The following LRRC55 variants were observed in gnomAD, a reference collection of about 807,000 sequenced individuals.
LRRC55 encodes leucine-rich repeat-containing protein 55.
A neutral mutation model predicts 20.5 loss-of-function variants in LRRC55; 11 were observed. The observed-to-expected ratio is 0.54, with a 90% confidence interval of 0.34 to 0.89. LRRC55 has a LOEUF of 0.89. LRRC55 is among the 40% of genes least tolerant of loss of function. The pLI is 0.02. For missense variants in LRRC55, 358 were observed against 390.9 expected (o/e 0.92, Z 0.71); for synonymous variants, 188 against 166.6 (o/e 1.13, Z -0.99).
rs1854375078 is a variant in LRRC55, at chr11:57,182,547, CT to C, written c.527del (p.Phe176SerfsTer14). Reference sequence around the variant, plus strand: ...TGGACCTCAGTTATGGGGGCCTGGCCTTCCTCAGCCTGGAGGCTCTTGAGGG... The same window carrying C: ...TGGACCTCAGTTATGGGGGCCTGGCCTCCTCAGCCTGGAGGCTCTTGAGGG... ...DLDLSYGGLAFLSLEALEGLP... is the reference protein window; with the variant it reads ...DLDLSYGGLAXLSLEALEGLP... On this transcript the variant is annotated frameshift_variant, in exon 1 of 2. Transcript: ENST00000497933. LOFTEE classifies it high-confidence loss of function. 6.4e-7 allele frequency: 1 copy of C among 1,569,236 alleles called. No homozygotes were observed. Among genetic ancestry groups the C allele is most frequent in the Non-Finnish European group, 8.7e-7 (1 of 1,155,530 alleles).
chr11:57,186,461 G>A (rs1040336385), intron 1 of LRRC55, among the ~76,000 whole-genome samples: 1 of 152,208 alleles, frequency 6.6e-6, no homozygotes, highest in African/African-American at 2.4e-5. Context: ...CAGCAGAGCA[G>A]GGAAGATAGG....
At position 57,190,588 on chromosome 11, in the gene LRRC55, G is replaced by C. The variant is rs758705714; in HGVS notation, c.*3108G>C. On this transcript the variant is annotated 3_prime_UTR_variant, in exon 2 of 2. Transcript: ENST00000497933. ...TATGTGATGGGGTATCTCTGCATCT[G>C]TATGTCTGTCTGCGAGGTTCCTTGT... 1.6e-4 allele frequency: 24 copies of C among 152,170 alleles called. No homozygotes were observed. The highest frequency in any genetic ancestry group is 2.9e-4 in the Non-Finnish European group (20 of 68,048). 9.4% of individuals were successfully genotyped at this position (152,170 alleles called of 1,614,324 possible). A position where few individuals can be genotyped will look rare whatever the true frequency, so the allele number is the denominator to read the frequency against.
At chr11:57,186,164 A>C (rs372878560) in intron 1 of LRRC55, among the ~76,000 whole-genome samples, 157 of 152,290 alleles carry the variant, frequency 1.0e-3, no homozygotes, top group African/African-American at 3.4e-3. Flanking sequence ...TGCAACTAGC[A>C]AGGGGTGAAG....
Position 57,182,293 on chromosome 11 carries a change from C to T in LRRC55, c.271C>T (p.Leu91Phe). 6.2e-7 allele frequency: 1 copy of T among 1,614,210 alleles called. No homozygotes were observed. The highest frequency in any genetic ancestry group is 1.1e-5 in the South Asian group (1 of 91,082). Reference sequence around the variant, plus strand: ...TGGCTACCTCACATGCTACATGGAGCTCCAGGTGCTGGATTTGCACAACAA... The same window carrying T: ...TGGCTACCTCACATGCTACATGGAGTTCCAGGTGCTGGATTTGCACAACAA... ...PPGYLTCYMELQVLDLHNNSL... is the reference protein window; with the variant it reads ...PPGYLTCYMEFQVLDLHNNSL... Residue 91 changes from leucine (L) to phenylalanine (F), a missense_variant, in exon 1 of 2, where the codon CTC becomes TTC. Leu to Phe is a conservative substitution (Grantham distance 22, BLOSUM62 0). Transcript: ENST00000497933.
In LRRC55 at chr11:57,187,804, A is replaced by G. The variant is rs1383336984; in HGVS notation, c.*324A>G. 2 of 427,882 alleles carry G rather than the reference A, an allele frequency of 4.7e-6. No homozygotes were observed. The highest frequency in any genetic ancestry group is 8.4e-6 in the Non-Finnish European group (2 of 237,202). 26.5% of individuals were successfully genotyped at this position (427,882 alleles called of 1,614,324 possible). ...ATGGAGGCCCAGAGGAGGAGCCATC[A>G]TCTGTATCTAGCAATGTCCATGAGA... On this transcript the variant is annotated 3_prime_UTR_variant, in exon 2 of 2. Coordinates refer to ENST00000497933, the MANE Select transcript of LRRC55 (RefSeq NM_001005210.4).
rs1404529607 is a variant in LRRC55, at chr11:57,187,687, C to G, written c.*207C>G. On this transcript the variant is annotated 3_prime_UTR_variant, in exon 2 of 2. Coordinates refer to ENST00000497933, the MANE Select transcript of LRRC55 (RefSeq NM_001005210.4). The stretch of plus-strand genomic sequence containing the variant: ...GGAACATCAGATGAACTGACTCAGT[C>G]CCTGCCCTCAAGGCACTTCCCTCTG... 1.6e-6 allele frequency: 1 copy of G among 624,064 alleles called. No individual in the cohort carries two copies. The highest frequency in any genetic ancestry group is 2.8e-5 in the East Asian group (1 of 36,286). 38.7% of individuals were successfully genotyped at this position (624,064 alleles called of 1,614,324 possible).
intron 1 of LRRC55, among the ~76,000 whole-genome samples, chr11:57,183,653 C>G (rs1854391619): frequency 6.6e-6 from 1 of 152,202 alleles, no homozygotes; most frequent in Non-Finnish European, 1.5e-5. Context: ...GCTCCAAGAC[C>G]TGGATCTCAG....
In LRRC55 at chr11:57,188,250, C is replaced by T. The variant is rs1854461306; in HGVS notation, c.*770C>T. The T allele has an allele frequency of 6.6e-6, 1 of 152,554 alleles. No individual in the cohort carries two copies. Among genetic ancestry groups the T allele is most frequent in the Non-Finnish European group, 1.5e-5 (1 of 68,060 alleles). 9.5% of individuals were successfully genotyped at this position (152,554 alleles called of 1,614,324 possible). On this transcript the variant is annotated 3_prime_UTR_variant, in exon 2 of 2. Transcript: ENST00000497933. ...GCTCCTGCCTCTCACTCAAGTTTTG[C>T]TTCAGAAGAGAGAGGCAGGAGGCCC...
Position 57,182,056 on chromosome 11 carries a change from G to A in LRRC55, c.34G>A (p.Gly12Arg), listed in dbSNP as rs771974471. The change falls in exon 1 of 2, where the codon GGG (glycine) becomes AGG (arginine). Residue 12 changes from glycine to arginine, a missense_variant. Gly to Arg is a moderately radical substitution (Grantham distance 125, BLOSUM62 -2). This residue lies in a region of LRRC55 where 175 missense variants were observed against 164.5 expected (regional missense o/e 1.06). Coordinates refer to ENST00000497933, the MANE Select transcript of LRRC55 (RefSeq NM_001005210.4). ...CACTTGGGCCCAGCTTCCCTGGCCC[G>A]GGCCACCCCACCCAGCAATGCTGCT... is the stretch of plus-strand genomic sequence containing the variant. ...GDTWAQLPWP[G>R]PPHPAMLLIS... 34 of 1,614,034 alleles carry A rather than the reference G, an allele frequency of 2.1e-5. No individual in the cohort carries two copies. Among genetic ancestry groups the A allele is most frequent in the Non-Finnish European group, 2.5e-5 (30 of 1,180,030 alleles).
Position 57,187,344 on chromosome 11 carries a change from C to A in LRRC55, c.761C>A (p.Thr254Asn), listed in dbSNP as rs1240887253. 1.2e-6 allele frequency: 2 copies of A among 1,614,206 alleles called. No individual in the cohort carries two copies. Among genetic ancestry groups the A allele is most frequent in the Non-Finnish European group, 1.7e-6 (2 of 1,180,032 alleles). Residue 254 changes from threonine (T) to asparagine (N), a missense_variant, in exon 2 of 2, where the codon ACC becomes AAC. Thr to Asn is a moderately conservative substitution (Grantham distance 65, BLOSUM62 0). Transcript: ENST00000497933. ...ESFKACHLTLTLDDYLFIAFV... is the reference protein window; with the variant it reads ...ESFKACHLTLNLDDYLFIAFV... ...TTCAAGGCCTGCCACCTGACCCTGA[C>A]CCTGGATGATTACCTATTCATTGCG...
At chr11:57,184,868 C>T (rs2135333902) in intron 1 of LRRC55, among the ~76,000 whole-genome samples, 1 of 152,318 alleles carries the variant, frequency 6.6e-6, no homozygotes. Context: ...CCACATTCCC[C>T]ATCTCACTGT....
At position 57,188,293 on chromosome 11, in the gene LRRC55, G is replaced by C. The variant is rs1160774278; in HGVS notation, c.*813G>C. 2.0e-5 allele frequency: 3 copies of C among 152,696 alleles called. No homozygotes were observed. The highest frequency in any genetic ancestry group is 6.5e-5 in the Admixed American group (1 of 15,282). The allele number at this position is 152,696 out of a possible 1,614,324, so 9.5% of individuals were successfully genotyped here. A position where few individuals can be genotyped will look rare whatever the true frequency, so the allele number is the denominator to read the frequency against. ...GGAGGCCCAGCAACTGGGGCAGCAA[G>C]AGTCCTGGCACCTTGGGATCCTAAT... On this transcript the variant is annotated 3_prime_UTR_variant, in exon 2 of 2. Transcript: ENST00000497933.
At chr11:57,182,792 T>C (rs1000425909) in intron 1 of LRRC55, 109 bp downstream of exon 1, 1 of 1,153,524 alleles carries the variant, frequency 8.7e-7, no homozygotes, top group African/African-American at 1.5e-5. Flanking sequence ...CCTACTGCAT[T>C]TTCTAATGTG....
At position 57,182,232 on chromosome 11, in the gene LRRC55, C is replaced by T; in HGVS notation, c.210C>T (p.Leu70=). ...ACCTGCCAATGGACACCCGAAACCT[C>T]AGCCTGGCCCACAACCGCATCACAG... ...PPDLPMDTRN[L]SLAHNRITAV... is the part of the protein sequence containing the mutation. The change falls in exon 1 of 2, where the codon CTC becomes CTT. Residue 70 remains leucine (L), a synonymous_variant. Transcript: ENST00000497933. 1 of 1,614,226 alleles carries T rather than the reference C, an allele frequency of 6.2e-7. No individual in the cohort carries two copies. The highest frequency in any genetic ancestry group is 8.5e-7 in the Non-Finnish European group (1 of 1,180,034).
In LRRC55 at chr11:57,182,299, G is replaced by A. The variant is rs773254129; in HGVS notation, c.277G>A (p.Val93Met). The change falls in exon 1 of 2, where the codon GTG becomes ATG. Residue 93 changes from valine (V) to methionine (M), a missense_variant. By Grantham distance (21) the Val-to-Met change is conservative. Coordinates refer to ENST00000497933, the MANE Select transcript of LRRC55 (RefSeq NM_001005210.4). ...GYLTCYMELQ[V>M]LDLHNNSLME... is the part of the protein sequence containing the mutation. ...CCTCACATGCTACATGGAGCTCCAG[G>A]TGCTGGATTTGCACAACAACTCCTT... The A allele has an allele frequency of 6.2e-7, 1 of 1,614,182 alleles. No homozygotes were observed. The highest frequency in any genetic ancestry group is 1.1e-5 in the South Asian group (1 of 91,084).
intron 1 of LRRC55, among the ~76,000 whole-genome samples, 161 bp downstream of exon 1, chr11:57,182,844 G>A (rs1854381396): frequency 6.6e-6 from 1 of 152,220 alleles, no homozygotes; most frequent in East Asian, 1.9e-4. Flanking sequence ...CAGGTTGTTT[G>A]TAGAATCCTT....
rs778274252 is a variant in LRRC55 at position 57,182,662 on chromosome 11, C to T, written c.640C>T (p.Arg214Trp). The change falls in exon 1 of 2, where the codon CGG (arginine) becomes TGG (tryptophan). Residue 214 changes from arginine (R) to tryptophan (W), a missense_variant. Physicochemically the swap from Arg to Trp is moderately radical, Grantham distance 101. Coordinates refer to ENST00000497933, the MANE Select transcript of LRRC55 (RefSeq NM_001005210.4). The stretch of plus-strand genomic sequence containing the variant: ...ACCCCTGCTGAAGTGGCTGCGAAAC[C>T]GGATCCAGCGCTGTACAGCAGGTAA... ...MEPLLKWLRNRIQRCTADSQL... is the reference protein window; with the variant it reads ...MEPLLKWLRNWIQRCTADSQL... The T allele has an allele frequency of 1.2e-5, 18 of 1,513,920 alleles. No homozygotes were observed. Among genetic ancestry groups the T allele is most frequent in the Non-Finnish European group, 1.4e-5 (16 of 1,131,516 alleles). The allele number at this position is 1,513,920 out of a possible 1,614,324, so 93.8% of individuals were successfully genotyped here.
intron 1 of LRRC55, among the ~76,000 whole-genome samples, chr11:57,185,306 A>T (rs1854417966): frequency 2.0e-5 from 2 of 101,886 alleles, no homozygotes; most frequent in Admixed American, 1.6e-4. Context: ...TTTGAGACAG[A>T]GTCTCGCTCT....
intron 1 of LRRC55, among the ~76,000 whole-genome samples, chr11:57,184,748 T>C (rs1854406927): frequency 6.6e-6 from 1 of 152,216 alleles, no homozygotes; most frequent in African/African-American, 2.4e-5. Context: ...TTAGGACTGG[T>C]GCCTTGACTT....
Sources: gnomAD v4.1 joint callset for allele counts (sites outside exome capture counted in the v4.1 genomes callset) on GRCh38, gnomAD v4.1.1 for gene constraint, gnomAD v4.1.1 regional missense constraint, MANE v1.5 for transcripts, NCBI Gene and HGNC (gene_info 2026-07-23, HGNC 2026-07-21) for gene names.